The following KCNJ3 variants were observed in gnomAD, a reference collection of about 807,000 sequenced individuals.
KCNJ3 encodes the protein G protein-activated inward rectifier potassium channel 1.
A neutral mutation model predicts 39.2 loss-of-function variants in KCNJ3; 4 were observed. The ratio of observed to expected loss-of-function variants is 0.10; its 90% CI spans 0.05 to 0.23. The LOEUF (loss-of-function observed/expected upper bound fraction) is 0.23, where lower values mean the gene tolerates loss of function less well. Among genes scored for constraint, KCNJ3 ranks in the 10% least tolerant of loss-of-function variants. The pLI, the probability that KCNJ3 is intolerant of heterozygous loss-of-function variation, is 1.00. For synonymous variants in KCNJ3, 230 were observed against 237.4 expected (o/e 0.97, Z 0.29); for missense variants, 276 against 634.9 (o/e 0.43, Z 6.08).
chr2:154,730,543 G>A (rs1685432314), intron 2 of KCNJ3, among the ~76,000 whole-genome samples: 2 of 152,086 alleles, frequency 1.3e-5, no homozygotes. Context: ...GTGGTAGAGA[G>A]TATTAAAATT....
chr2:154,759,406 A>G (rs1312608904), intron 2 of KCNJ3, among the ~76,000 whole-genome samples: 1 of 151,570 alleles, frequency 6.6e-6, no homozygotes. Flanking sequence ...TCATCGTGGT[A>G]TTAAATTCAA....
intron 2 of KCNJ3, among the ~76,000 whole-genome samples, chr2:154,812,659 T>TA (rs1397106037): frequency 6.6e-6 from 1 of 151,964 alleles, no homozygotes; most frequent in Non-Finnish European, 1.5e-5. Context: ...AGAATTTTTT[T>TA]AAAAATCTGG....
At chr2:154,788,770 TTG>T (rs1217327516) in intron 2 of KCNJ3, among the ~76,000 whole-genome samples, 3 of 138,750 alleles carry the variant, frequency 2.2e-5, no homozygotes, top group Admixed American at 7.1e-5. Context: ...TGAGTGTGAG[TTG>T]TTTTTTTTTT....
chr2:154,838,046 C>T (rs1230455450), intron 2 of KCNJ3, among the ~76,000 whole-genome samples: 1 of 152,122 alleles, frequency 6.6e-6, no homozygotes, highest in African/African-American at 2.4e-5. Flanking sequence ...GTCATTGAGA[C>T]ATTTACAGTA....
intron 2 of KCNJ3, among the ~76,000 whole-genome samples, chr2:154,785,805 C>T (rs1235526301): frequency 6.6e-6 from 1 of 152,084 alleles, no homozygotes; most frequent in African/African-American, 2.4e-5. Flanking sequence ...ATAAGGATAC[C>T]AGTCAGATTG....
chr2:154,841,464 A>G (rs1687575932), intron 2 of KCNJ3, among the ~76,000 whole-genome samples: 1 of 152,178 alleles, frequency 6.6e-6, no homozygotes, highest in African/African-American at 2.4e-5. Flanking sequence ...GTTAGAGAGG[A>G]TTCCCTCTTT....
chr2:154,810,036 C>T (rs560250733), intron 2 of KCNJ3, among the ~76,000 whole-genome samples: 9 of 143,820 alleles, frequency 6.3e-5, no homozygotes, highest in Admixed American at 4.3e-4. Context: ...GCACTAAATA[C>T]GGTTCTAACA....
intron 2 of KCNJ3, among the ~76,000 whole-genome samples, chr2:154,846,778 CTAT>C (rs3083631): frequency 0.2 from 31,120 of 152,002 alleles, 3,484 homozygotes; most frequent in East Asian, 0.4. Context: ...TGTTAAAAAT[CTAT>C]TATTTCTTCT....
chr2:154,854,737 T>C lies in KCNJ3; in HGVS notation c.930T>C (p.Cys310=). 2 of 1,603,884 alleles carry C rather than the reference T, an allele frequency of 1.2e-6. No individual in the cohort carries two copies. Among genetic ancestry groups the C allele is most frequent in the Non-Finnish European group, 8.5e-7 (1 of 1,172,554 alleles). Reference sequence around the variant, plus strand: ...TCTCTTTTCTTGTAGGGATGACTTGTCAAGCTCGAACATCATATACTGAAG... The same window carrying C: ...TCTCTTTTCTTGTAGGGATGACTTGCCAAGCTCGAACATCATATACTGAAG... The part of the protein sequence containing the change: ...EGIVETTGMT[C]QARTSYTEDE... The change falls in exon 3 of 3, where the codon TGT becomes TGC. Residue 310 remains cysteine, a synonymous_variant. Transcript: ENST00000295101.
At position 154,854,873 on chromosome 2, in the gene KCNJ3, T is replaced by C; in HGVS notation, c.1066T>C (p.Tyr356His). The change falls in exon 3 of 3, where the codon TAC becomes CAC. Residue 356 changes from tyrosine (Y) to histidine (H), a missense_variant. Tyr to His is a moderately conservative substitution (Grantham distance 83). Around this residue, in one of 4 missense-constraint regions of KCNJ3, gnomAD observed 126 missense variants for 179.8 expected, o/e 0.70. Coordinates refer to ENST00000295101, the MANE Select transcript of KCNJ3 (RefSeq NM_002239.4). The part of the protein sequence containing the change: ...HATFEVPTPP[Y>H]SVKEQEEMLL... ...AACATTTGAAGTCCCCACCCCACCT[T>C]ACAGTGTGAAAGAGCAGGAGGAAAT... 2 of 1,613,990 alleles carry C rather than the reference T, an allele frequency of 1.2e-6. No homozygotes were observed. The highest frequency in any genetic ancestry group is 1.7e-6 in the Non-Finnish European group (2 of 1,179,952).
At chr2:154,722,116 A>T (rs1056570929) in intron 2 of KCNJ3, among the ~76,000 whole-genome samples, 1 of 145,914 alleles carries the variant, frequency 6.9e-6, no homozygotes, top group Non-Finnish European at 1.5e-5. Flanking sequence ...CTTCTCTTGA[A>T]CAAAACTACA....
At chr2:154,785,832 A>C (rs939317849) in intron 2 of KCNJ3, among the ~76,000 whole-genome samples, 3 of 152,192 alleles carry the variant, frequency 2.0e-5, no homozygotes, top group Non-Finnish European at 4.4e-5. Context: ...AGCCCATCTT[A>C]ATGGCCTCAT....
chr2:154,791,307 G>T (rs17640676), intron 2 of KCNJ3, among the ~76,000 whole-genome samples: 48,448 of 151,938 alleles, frequency 0.32, 8,183 homozygotes, highest in Middle Eastern at 0.39. Flanking sequence ...CAAAGCTGAT[G>T]TTGGAGGTGT....
chr2:154,848,351 A>AGAT (rs1190626946), intron 2 of KCNJ3, among the ~76,000 whole-genome samples: 2 of 152,138 alleles, frequency 1.3e-5, no homozygotes, highest in African/African-American at 4.8e-5. Flanking sequence ...TGCTGTGATG[A>AGAT]GATAATGAGA....
intron 2 of KCNJ3, among the ~76,000 whole-genome samples, chr2:154,787,303 GA>G (rs1686547997): frequency 6.6e-6 from 1 of 151,786 alleles, no homozygotes; most frequent in African/African-American, 2.4e-5. Flanking sequence ...GCATTGTCTT[GA>G]AAAAATTAAT....
Position 154,854,763 on chromosome 2 carries a change from A to T in KCNJ3, c.956A>T (p.Asp319Val). ...CAAGCTCGAACATCATATACTGAAGATGAAGTTCTTTGGGGTCATCGTTTT... is the reference window on the plus strand; with the variant it reads ...CAAGCTCGAACATCATATACTGAAGTTGAAGTTCTTTGGGGTCATCGTTTT... Reference protein sequence around the residue: ...TCQARTSYTEDEVLWGHRFFP... With the variant: ...TCQARTSYTEVEVLWGHRFFP... Residue 319 changes from aspartate to valine, a missense_variant, in exon 3 of 3, where the codon GAT becomes GTT. Coordinates refer to ENST00000295101, the MANE Select transcript of KCNJ3 (RefSeq NM_002239.4). 2 of 1,613,504 alleles carry T rather than the reference A, an allele frequency of 1.2e-6. No homozygotes were observed. The highest frequency in any genetic ancestry group is 1.7e-6 in the Non-Finnish European group (2 of 1,179,650).
chr2:154,806,594 A>G (rs771557916), intron 2 of KCNJ3, among the ~76,000 whole-genome samples: 1 of 152,146 alleles, frequency 6.6e-6, no homozygotes, highest in Non-Finnish European at 1.5e-5. Context: ...CAGCAATAAC[A>G]TACTGGATGC....
intron 2 of KCNJ3, among the ~76,000 whole-genome samples, chr2:154,841,712 T>G (rs962709807): frequency 1.3e-5 from 2 of 152,174 alleles, no homozygotes; most frequent in Admixed American, 6.5e-5. Context: ...ATTTTCTAGT[T>G]TTTTTGCATA....
chr2:154,709,834 A>G lies in KCNJ3; in HGVS notation c.919+15A>G. 1 of 1,612,896 alleles carries G rather than the reference A, an allele frequency of 6.2e-7. No individual in the cohort carries two copies. The highest frequency in any genetic ancestry group is 8.5e-7 in the Non-Finnish European group (1 of 1,179,334). ...GGAAACAACTGGTGAGTAAAAACAGATATGCCATAAAGTTTCTTTATACCA... is the reference window on the plus strand; with the variant it reads ...GGAAACAACTGGTGAGTAAAAACAGGTATGCCATAAAGTTTCTTTATACCA... On this transcript the variant is annotated intron_variant, in intron 2 of 2. Coordinates refer to ENST00000295101, the MANE Select transcript of KCNJ3 (RefSeq NM_002239.4).
Sources: gnomAD v4.1 joint callset for allele counts (sites outside exome capture counted in the v4.1 genomes callset) on GRCh38, gnomAD v4.1.1 for gene constraint, gnomAD v4.1.1 regional missense constraint, MANE v1.5 for transcripts, NCBI Gene and HGNC (gene_info 2026-07-23, HGNC 2026-07-21) for gene names.